The following GRIA1 variants were observed in gnomAD, a reference collection of about 807,000 sequenced individuals.
The protein encoded by GRIA1 is glutamate ionotropic receptor AMPA type subunit 1.
GRIA1 carries 31 observed loss-of-function variants against 99.2 expected under a neutral mutation model. That is an observed-to-expected ratio of 0.31 (90% CI 0.23 to 0.42). GRIA1 has a LOEUF of 0.42. GRIA1 is among the 10% of genes least tolerant of loss of function. GRIA1 has a pLI of 1.00. For synonymous variants in GRIA1, 438 were observed against 432.4 expected (o/e 1.01, Z -0.16); for missense variants, 782 against 1,157.5 (o/e 0.68, Z 4.71).
intron 2 of GRIA1, among the ~76,000 whole-genome samples, chr5:153,636,554 A>T (rs1753373643): frequency 6.6e-6 from 1 of 152,136 alleles, no homozygotes; most frequent in South Asian, 2.1e-4. Flanking sequence ...GGCCCGCAAA[A>T]CCTAAGATAT....
intron 2 of GRIA1, among the ~76,000 whole-genome samples, chr5:153,546,673 G>A (rs978140046): frequency 2.0e-5 from 3 of 152,170 alleles, no homozygotes; most frequent in African/African-American, 7.2e-5. Flanking sequence ...TTTATTATAA[G>A]TGCCAAAGTC....
intron 2 of GRIA1, among the ~76,000 whole-genome samples, chr5:153,537,736 C>A (rs919792556): frequency 2.0e-5 from 3 of 152,204 alleles, no homozygotes; most frequent in African/African-American, 7.2e-5. Flanking sequence ...AGTGAAGTTG[C>A]AAGTTAGAGG....
At chr5:153,499,208 T>C (rs1240364489) in intron 2 of GRIA1, among the ~76,000 whole-genome samples, 1 of 152,198 alleles carries the variant, frequency 6.6e-6, no homozygotes, top group African/African-American at 2.4e-5. Flanking sequence ...ATGATGGTAC[T>C]GAGACTGAGA....
intron 2 of GRIA1, among the ~76,000 whole-genome samples, chr5:153,623,733 A>G (rs1767293204): frequency 6.6e-6 from 1 of 152,194 alleles, no homozygotes; most frequent in African/African-American, 2.4e-5. Flanking sequence ...TTAAATTTTA[A>G]AATGCCACCC....
chr5:153,664,889 A>G (rs942736286), intron 5 of GRIA1, among the ~76,000 whole-genome samples: 8 of 152,238 alleles, frequency 5.3e-5, no homozygotes, highest in African/African-American at 1.9e-4. Flanking sequence ...CCGGCTTTTC[A>G]TCAAAAGATG....
chr5:153,681,310 C>T (rs1249031825), intron 7 of GRIA1, among the ~76,000 whole-genome samples: 1 of 152,196 alleles, frequency 6.6e-6, no homozygotes, highest in Non-Finnish European at 1.5e-5. Context: ...AAAAACCTCC[C>T]ACCAGGCACC....
intron 8 of GRIA1, among the ~76,000 whole-genome samples, chr5:153,697,767 A>G (rs1758218379): frequency 6.6e-6 from 1 of 152,210 alleles, no homozygotes; most frequent in Non-Finnish European, 1.5e-5. Flanking sequence ...TACAAAACAG[A>G]CTGGCTGTGT....
chr5:153,530,359 C>G (rs745963088), intron 2 of GRIA1, among the ~76,000 whole-genome samples: 1 of 152,194 alleles, frequency 6.6e-6, no homozygotes, highest in Non-Finnish European at 1.5e-5. Flanking sequence ...GATTTCTTTG[C>G]CATGCGACAG....
intron 11 of GRIA1, among the ~76,000 whole-genome samples, chr5:153,739,412 C>T (rs1761625612): frequency 6.6e-6 from 1 of 152,196 alleles, no homozygotes. Flanking sequence ...GAAAGTGTCA[C>T]TAGCACAAGG....
rs1470419729 is a variant in GRIA1 at position 153,604,369 on chromosome 5, T to G, written c.221-42559T>G. On this transcript the variant is annotated intron_variant, in intron 2 of 15. Transcript: ENST00000285900. Reference sequence around the variant, plus strand: ...AATATGTGTGGCCCAAACAGAATTCTAATTTGTTAAAAAAAACAGTTGCTA... The same window carrying G: ...AATATGTGTGGCCCAAACAGAATTCGAATTTGTTAAAAAAAACAGTTGCTA... 2.0e-5 allele frequency among the ~76,000 whole-genome samples: 3 copies of G among 152,198 alleles called. 1 individual carries two copies. Among genetic ancestry groups the G allele is most frequent in the African/African-American group, 7.2e-5 (3 of 41,452 alleles).
rs1019300315 is a variant in GRIA1 at position 153,502,525 on chromosome 5, A to G, written c.220+8460A>G. 5.9e-5 allele frequency among the ~76,000 whole-genome samples: 9 copies of G among 152,290 alleles called. No individual in the cohort carries two copies. In the East Asian group the frequency reaches 1.7e-3, roughly 29 times the overall value. ...TAGCTCCCGCTGGACTATTGTCATG[A>G]GGGGTCCTAAATAAGGTATAAGGTT... On this transcript the variant is annotated intron_variant, in intron 2 of 15. Transcript: ENST00000285900.
chr5:153,594,485 G>A (rs1267946298), intron 2 of GRIA1, among the ~76,000 whole-genome samples: 1 of 150,924 alleles, frequency 6.6e-6, no homozygotes, highest in Non-Finnish European at 1.5e-5. Flanking sequence ...TTTGCTTTTT[G>A]ATTTTTCCTT....
intron 2 of GRIA1, among the ~76,000 whole-genome samples, chr5:153,515,016 A>G (rs1431338330): frequency 6.6e-6 from 1 of 152,210 alleles, no homozygotes; most frequent in Non-Finnish European, 1.5e-5. Context: ...GAAATCATGT[A>G]AATTATTGCC....
At chr5:153,799,268 C>A (rs749280145) in intron 14 of GRIA1, among the ~76,000 whole-genome samples, 8 of 152,168 alleles carry the variant, frequency 5.3e-5, no homozygotes, top group Non-Finnish European at 1.0e-4. Context: ...GAAGCTGCCT[C>A]TTTTATGGAC....
intron 2 of GRIA1, among the ~76,000 whole-genome samples, chr5:153,616,414 G>A (rs896357078): frequency 6.6e-6 from 1 of 151,870 alleles, no homozygotes; most frequent in Non-Finnish European, 1.5e-5. Flanking sequence ...GAGCCACTTT[G>A]GAAGAAGAAT....
At chr5:153,741,947 A>AAAG (rs1554122138) in intron 11 of GRIA1, among the ~76,000 whole-genome samples, 1 of 56,016 alleles carries the variant, frequency 1.8e-5, no homozygotes, top group African/African-American at 8.3e-5. Flanking sequence ...AAAAAAAAAA[A>AAAG]AAAGAAAAAG....
chr5:153,587,084 G>A (rs908189203), intron 2 of GRIA1, among the ~76,000 whole-genome samples: 3 of 152,258 alleles, frequency 2.0e-5, no homozygotes, highest in African/African-American at 7.2e-5. Context: ...GATATAGTTT[G>A]GATGTTTGCT....
chr5:153,795,683 T>A, intron 14 of GRIA1: 1 of 686,280 alleles, frequency 1.5e-6, no homozygotes, highest in Non-Finnish European at 2.5e-6. Context: ...CTTGGAGGCC[T>A]TAGAGAGCTG....
intron 2 of GRIA1, among the ~76,000 whole-genome samples, chr5:153,568,898 G>A (rs1018241802): frequency 3.3e-5 from 5 of 152,182 alleles, no homozygotes; most frequent in Non-Finnish European, 7.3e-5. Context: ...TCTGTTGTGT[G>A]TATGTCTTTA....
Sources: gnomAD v4.1 joint callset for allele counts (sites outside exome capture counted in the v4.1 genomes callset) on GRCh38, gnomAD v4.1.1 for gene constraint, MANE v1.5 for transcripts, NCBI Gene and HGNC (gene_info 2026-07-23, HGNC 2026-07-21) for gene names.